Variants in RHOBTB3 observed in about 807,000 individuals in gnomAD.
RHOBTB3 encodes the protein rho-related BTB domain-containing protein 3.
RHOBTB3 carries 47 observed loss-of-function variants against 67.2 expected under a neutral mutation model. The observed-to-expected ratio is 0.70, with a 90% CI of 0.55 to 0.89. RHOBTB3 has a LOEUF of 0.89. Ranked by LOEUF, RHOBTB3 falls within the 40% of genes least tolerant of loss-of-function variation. RHOBTB3 has a pLI of 0.00. For missense variants in RHOBTB3, 631 were observed against 750.0 expected (o/e 0.84, Z 1.85); for synonymous variants, 273 against 274.2 (o/e 1.00, Z 0.04).
At chr5:95,746,914 A>G (rs1421879137) in intron 3 of RHOBTB3, among the ~76,000 whole-genome samples, 4 of 152,218 alleles carry the variant, frequency 2.6e-5, no homozygotes, top group Admixed American at 2.6e-4. Context: ...TATGCACTAA[A>G]TATATTTAGC....
intron 8 of RHOBTB3, chr5:95,770,633 TCA>T: frequency 6.1e-6 from 3 of 490,610 alleles, no homozygotes; most frequent in Non-Finnish European, 1.2e-5. Flanking sequence ...ACAGCAGAAG[TCA>T]CAGAAATTCC....
At chr5:95,760,497 T>G (rs1745366459) in intron 6 of RHOBTB3, among the ~76,000 whole-genome samples, 1 of 152,194 alleles carries the variant, frequency 6.6e-6, no homozygotes, top group South Asian at 2.1e-4. Flanking sequence ...GCCATCTGAG[T>G]AGACAAATAT....
chr5:95,723,598 G>A (rs904045127), intron 1 of RHOBTB3, among the ~76,000 whole-genome samples: 6 of 152,102 alleles, frequency 3.9e-5, no homozygotes, highest in South Asian at 2.1e-4. Context: ...TAAATTTTGT[G>A]TAAATTTGCA....
rs1745602968 is a variant in RHOBTB3 at position 95,768,112 on chromosome 5, C to T, written c.1228C>T (p.Leu410Phe). The change falls in exon 8 of 12, where the codon CTC becomes TTC. Residue 410 changes from leucine (L) to phenylalanine (F), a missense_variant. Leu to Phe is a conservative substitution (Grantham distance 22). Transcript: ENST00000379982. ...ACCTTTGTGGTTTTATAACACTTCCCTCAAGTTTTTCCTTAATAAGCCGAT... is the reference window on the plus strand; with the variant it reads ...ACCTTTGTGGTTTTATAACACTTCCTTCAAGTTTTTCCTTAATAAGCCGAT... ...RKPLWFYNTS[L>F]KFFLNKPMLA... 6.2e-7 allele frequency: 1 copy of T among 1,613,420 alleles called. No individual in the cohort carries two copies. The highest frequency in any genetic ancestry group is 1.1e-5 in the South Asian group (1 of 91,032).
intron 8 of RHOBTB3, among the ~76,000 whole-genome samples, chr5:95,777,055 C>T (rs1303551539): frequency 6.6e-6 from 1 of 152,114 alleles, no homozygotes; most frequent in Non-Finnish European, 1.5e-5. Context: ...TTTTCTCTAC[C>T]ACTCCCAATT....
At chr5:95,790,410 A>G (rs557493396) in intron 11 of RHOBTB3, among the ~76,000 whole-genome samples, 2 of 152,336 alleles carry the variant, frequency 1.3e-5, no homozygotes, top group East Asian at 1.9e-4. Flanking sequence ...GAAGAATAAG[A>G]TTATTTTCTA....
chr5:95,769,807 T>C (rs762770452), intron 8 of RHOBTB3: 2 of 218,272 alleles, frequency 9.2e-6, no homozygotes, highest in Non-Finnish European at 1.9e-5. Context: ...CAGTCTATTG[T>C]ACCTACTCTT....
Position 95,731,380 on chromosome 5 carries a change from G to A in RHOBTB3, c.-303G>A, listed in dbSNP as rs1266098717. 7 of 1,162,420 alleles carry A rather than the reference G, an allele frequency of 6.0e-6. No homozygotes were observed. Among genetic ancestry groups the A allele is most frequent in the African/African-American group, 1.6e-5 (1 of 61,714 alleles). 72.0% of individuals were successfully genotyped at this position (1,162,420 alleles called of 1,614,324 possible). A position where few individuals can be genotyped will look rare whatever the true frequency, so the allele number is the denominator to read the frequency against. ...CAGCCGAGGAGGCGCGGCGGAGAGG[G>A]GACTGCGGTCAGCTGCGTCCACTTG... On this transcript the variant is annotated 5_prime_UTR_variant, in exon 1 of 12. Coordinates refer to ENST00000379982, the MANE Select transcript of RHOBTB3 (RefSeq NM_014899.4).
At chr5:95,747,375 A>G (rs535139691) in intron 3 of RHOBTB3, among the ~76,000 whole-genome samples, 14 of 152,252 alleles carry the variant, frequency 9.2e-5, no homozygotes, top group African/African-American at 3.4e-4. Flanking sequence ...TCACTCCCCA[A>G]TTAACCTTCT....
intron 3 of RHOBTB3, among the ~76,000 whole-genome samples, chr5:95,748,066 G>A (rs1744972803): frequency 6.6e-6 from 1 of 152,098 alleles, no homozygotes; most frequent in African/African-American, 2.4e-5. Context: ...AGGCCCACGA[G>A]TACTGGTTGT....
chr5:95,760,737 T>C (rs1283541682), intron 6 of RHOBTB3, among the ~76,000 whole-genome samples: 1 of 152,240 alleles, frequency 6.6e-6, no homozygotes. Context: ...AGTAAAGTTA[T>C]GCAAGATGAG....
At position 95,733,048 on chromosome 5, in the gene RHOBTB3, A is replaced by T. The variant is rs1364094389; in HGVS notation, c.228+964A>T. Among the ~76,000 whole-genome samples the T allele has an allele frequency of 2.0e-5, 3 of 152,254 alleles. No homozygotes were observed. The East Asian group carries it at 5.8e-4, about 29-fold the overall frequency. On this transcript the variant is annotated intron_variant, in intron 2 of 11. Coordinates refer to ENST00000379982, the MANE Select transcript of RHOBTB3 (RefSeq NM_014899.4). ...ATTAAAAAAACTGAATTAGGACTAT[A>T]GGAAAGTATCACGCCATTCTAAAAA...
intron 9 of RHOBTB3, 88 bp downstream of exon 9, chr5:95,780,513 T>C (rs1380152411): frequency 9.0e-7 from 1 of 1,114,278 alleles, no homozygotes; most frequent in Non-Finnish European, 1.3e-6. Flanking sequence ...GAATCTATTT[T>C]CATTTAAGAT....
chr5:95,774,805 G>C (rs1448103231), intron 8 of RHOBTB3, among the ~76,000 whole-genome samples: 2 of 152,030 alleles, frequency 1.3e-5, no homozygotes, highest in Admixed American at 1.3e-4. Flanking sequence ...TAATGTTCTA[G>C]TCTAGAATCA....
intron 10 of RHOBTB3, among the ~76,000 whole-genome samples, chr5:95,786,781 G>A (rs1489473082): frequency 2.0e-5 from 3 of 152,010 alleles, no homozygotes; most frequent in African/African-American, 4.8e-5. Flanking sequence ...GTTTTTTAAT[G>A]CCTTTTTAAA....
At chr5:95,753,883 G>T (rs1745165779) in intron 5 of RHOBTB3, among the ~76,000 whole-genome samples, 1 of 152,174 alleles carries the variant, frequency 6.6e-6, no homozygotes, top group Admixed American at 6.5e-5. Context: ...GCCAAGGTGG[G>T]CAGATCACCA....
intron 8 of RHOBTB3, among the ~76,000 whole-genome samples, chr5:95,776,786 C>T (rs976045965): frequency 2.6e-5 from 4 of 152,090 alleles, no homozygotes; most frequent in Non-Finnish European, 5.9e-5. Context: ...ATACTAATTC[C>T]GACTTTGTGA....
upstream of RHOBTB3, among the ~76,000 whole-genome samples, chr5:95,728,096 C>G (rs746429349): frequency 7.2e-5 from 11 of 152,186 alleles, no homozygotes; most frequent in Non-Finnish European, 1.6e-4. Context: ...TCATGTGGCC[C>G]TACCTATATG....
chr5:95,770,945 A>T (rs1396874553), intron 8 of RHOBTB3, among the ~76,000 whole-genome samples: 1 of 152,254 alleles, frequency 6.6e-6, no homozygotes, highest in South Asian at 2.1e-4. Context: ...AAAAAAAAAA[A>T]CATTTTTACA....
Sources: gnomAD v4.1 joint callset for allele counts (sites outside exome capture counted in the v4.1 genomes callset) on GRCh38, gnomAD v4.1.1 for gene constraint, MANE v1.5 for transcripts, NCBI Gene and HGNC (gene_info 2026-07-23, HGNC 2026-07-21) for gene names.